NCK2: variants seen among roughly 807,000 people sequenced by gnomAD.
NCK2 encodes the protein NCK adaptor protein 2, also known as cytoplasmic protein NCK2.
A neutral mutation model predicts 33.9 loss-of-function variants in NCK2; 16 were observed. The observed-to-expected ratio is 0.47, with a 90% CI of 0.32 to 0.72. The LOEUF (loss-of-function observed/expected upper bound fraction) is 0.72. Among genes scored for constraint, NCK2 ranks in the 30% least tolerant of loss-of-function variants. NCK2 has a pLI of 0.03. For missense variants in NCK2, 418 were observed against 537.3 expected (o/e 0.78, Z 2.19); for synonymous variants, 273 against 239.9 (o/e 1.14, Z -1.27).
intron 1 of NCK2, among the ~76,000 whole-genome samples, chr2:105,767,853 T>C (rs1291176023): frequency 6.6e-6 from 1 of 152,144 alleles, no homozygotes; most frequent in African/African-American, 2.4e-5. Context: ...TACTGGGTGG[T>C]TCCCAGCACT....
At chr2:105,869,323 C>T (rs1677894274) in intron 3 of NCK2, among the ~76,000 whole-genome samples, 1 of 152,190 alleles carries the variant, frequency 6.6e-6, no homozygotes, top group African/African-American at 2.4e-5. Context: ...GCAGCCATCA[C>T]CTGGGCTCCT....
intron 3 of NCK2, among the ~76,000 whole-genome samples, chr2:105,869,755 G>A (rs1052446711): frequency 8.5e-5 from 13 of 152,076 alleles, no homozygotes; most frequent in Non-Finnish European, 1.5e-4. Context: ...ATTCAAAAAC[G>A]CTTGGGCTCA....
At chr2:105,827,796 G>T (rs1427389928) in intron 2 of NCK2, among the ~76,000 whole-genome samples, 1 of 152,188 alleles carries the variant, frequency 6.6e-6, no homozygotes, top group Non-Finnish European at 1.5e-5. Flanking sequence ...GTTTACAAGG[G>T]GTTGGTGATG....
intron 4 of NCK2, among the ~76,000 whole-genome samples, chr2:105,884,649 T>C (rs1678646709): frequency 6.6e-6 from 1 of 152,192 alleles, no homozygotes; most frequent in South Asian, 2.1e-4. Flanking sequence ...CATTGCCACA[T>C]GCTACACTAT....
intron 2 of NCK2, among the ~76,000 whole-genome samples, chr2:105,842,033 T>C (rs1310763049): frequency 1.3e-5 from 2 of 151,978 alleles, no homozygotes; most frequent in Non-Finnish European, 2.9e-5. Context: ...AGAGTTAGAT[T>C]TAAGCAGACC....
intron 1 of NCK2, among the ~76,000 whole-genome samples, chr2:105,754,637 G>A (rs1364586604): frequency 6.6e-6 from 1 of 151,938 alleles, no homozygotes; most frequent in East Asian, 1.9e-4. Context: ...GGGAGGTTGG[G>A]GGGAGCTGCT....
At chr2:105,837,887 G>T (rs898858398) in intron 2 of NCK2, among the ~76,000 whole-genome samples, 1 of 152,172 alleles carries the variant, frequency 6.6e-6, no homozygotes, top group Non-Finnish European at 1.5e-5. Context: ...TGCAATGACT[G>T]TGTATTTTGC....
At chr2:105,839,564 G>A (rs865895438) in intron 2 of NCK2, among the ~76,000 whole-genome samples, 3 of 152,188 alleles carry the variant, frequency 2.0e-5, no homozygotes, top group African/African-American at 4.8e-5. Flanking sequence ...GGCAGACTGC[G>A]GGAGGCACAG....
chr2:105,877,965 C>T (rs771230148), intron 3 of NCK2, among the ~76,000 whole-genome samples: 5 of 152,200 alleles, frequency 3.3e-5, no homozygotes, highest in African/African-American at 4.8e-5. Flanking sequence ...GGTCCCTCTC[C>T]ATCTCCAGAC....
intron 1 of NCK2, among the ~76,000 whole-genome samples, chr2:105,770,665 G>A (rs1482650135): frequency 6.6e-6 from 1 of 152,152 alleles, no homozygotes; most frequent in Non-Finnish European, 1.5e-5. Context: ...ATCACAGAGT[G>A]CTATATTGCC....
chr2:105,872,324 G>A (rs531394091), intron 3 of NCK2, among the ~76,000 whole-genome samples: 3 of 152,236 alleles, frequency 2.0e-5, no homozygotes, highest in Non-Finnish European at 4.4e-5. Flanking sequence ...TTCACAGTGT[G>A]GCCCTAACAC....
At position 105,893,314 on chromosome 2, in the gene NCK2, G is replaced by A; in HGVS notation, c.*138G>A. 1.1e-6 allele frequency: 1 copy of A among 888,352 alleles called. No homozygotes were observed. Among genetic ancestry groups the A allele is most frequent in the East Asian group, 2.7e-5 (1 of 37,246 alleles). The allele number at this position is 888,352 out of a possible 1,614,324, so 55.0% of individuals were successfully genotyped here. A position where few individuals can be genotyped will look rare whatever the true frequency, so the allele number is the denominator to read the frequency against. On this transcript the variant is annotated 3_prime_UTR_variant, in exon 5 of 5. Transcript: ENST00000233154. ...CTCTTTATGTTCAGGTCGCTTGGTCGGTTCGTCTCCCATTTGCCATCCAGG... is the reference window on the plus strand; with the variant it reads ...CTCTTTATGTTCAGGTCGCTTGGTCAGTTCGTCTCCCATTTGCCATCCAGG...
intron 3 of NCK2, among the ~76,000 whole-genome samples, chr2:105,868,067 G>A (rs1573225557): frequency 6.6e-6 from 1 of 152,190 alleles, no homozygotes; most frequent in African/African-American, 2.4e-5. Flanking sequence ...TTACTGGCTT[G>A]ATGTGTGAAG....
intron 2 of NCK2, among the ~76,000 whole-genome samples, chr2:105,837,620 G>C (rs1676482240): frequency 6.6e-6 from 1 of 152,152 alleles, no homozygotes; most frequent in Non-Finnish European, 1.5e-5. Context: ...CATATAAGTA[G>C]AAGTGGAGCT....
At chr2:105,795,990 A>G (rs183727209) in intron 1 of NCK2, among the ~76,000 whole-genome samples, 1 of 152,266 alleles carries the variant, frequency 6.6e-6, no homozygotes, top group Non-Finnish European at 1.5e-5. Flanking sequence ...AAAAAGAGCA[A>G]AACAGTTTAG....
At chr2:105,818,066 G>A (rs1055473883) in intron 2 of NCK2, among the ~76,000 whole-genome samples, 11 of 151,918 alleles carry the variant, frequency 7.2e-5, no homozygotes, top group South Asian at 2.1e-4. Context: ...AAGAAAATGT[G>A]GCACATATAC....
At chr2:105,834,816 AGAT>A (rs1226546541) in intron 2 of NCK2, among the ~76,000 whole-genome samples, 4 of 151,946 alleles carry the variant, frequency 2.6e-5, no homozygotes, top group African/African-American at 9.7e-5. Flanking sequence ...GCCTACAGGT[AGAT>A]GTGTGCTACC....
intron 1 of NCK2, among the ~76,000 whole-genome samples, chr2:105,764,917 A>T (rs1288940661): frequency 2.0e-5 from 3 of 152,062 alleles, no homozygotes; most frequent in Non-Finnish European, 4.4e-5. Context: ...TGAAAGCGCC[A>T]CACTTGCATA....
intron 4 of NCK2, among the ~76,000 whole-genome samples, chr2:105,887,737 T>G (rs1449275578): frequency 6.6e-6 from 1 of 152,172 alleles, no homozygotes; most frequent in Non-Finnish European, 1.5e-5. Context: ...GAGAAAACAA[T>G]GATTAAATCT....
Sources: allele counts gnomAD v4.1 joint callset (sites outside exome capture counted in the v4.1 genomes callset), GRCh38; gene constraint gnomAD v4.1.1; transcripts MANE v1.5; gene names NCBI Gene and HGNC (gene_info 2026-07-23, HGNC 2026-07-21).